The following TNRC6C variants were observed in gnomAD, a reference collection of about 807,000 sequenced individuals.
TNRC6C encodes the protein trinucleotide repeat-containing gene 6C protein.
A neutral mutation model predicts 153.7 loss-of-function variants in TNRC6C; 20 were observed. That is an observed-to-expected ratio of 0.13 (90% CI 0.09 to 0.19). The LOEUF is 0.19. TNRC6C is among the 10% of genes least tolerant of loss of function. The pLI is 1.00. For synonymous variants in TNRC6C, 811 were observed against 841.4 expected (o/e 0.96, Z 0.63); for missense variants, 1,987 against 2,172.0 (o/e 0.91, Z 1.69).
chr17:78,012,752 AG>A (rs1286438088), intron 1 of TNRC6C, among the ~76,000 whole-genome samples: 2 of 152,208 alleles, frequency 1.3e-5, no homozygotes, highest in African/African-American at 2.4e-5. Context: ...TGTTGGCAGC[AG>A]AGGAGCTGCT....
At chr17:78,020,151 C>T (rs2143535649) in intron 1 of TNRC6C, among the ~76,000 whole-genome samples, 1 of 152,282 alleles carries the variant, frequency 6.6e-6, no homozygotes, top group Admixed American at 6.5e-5. Flanking sequence ...TTCCGCATTC[C>T]TCTGTCTGTT....
Position 78,033,537 on chromosome 17 carries a change from C to T in TNRC6C, c.-219+1695C>T, listed in dbSNP as rs140195695. On this transcript the variant is annotated intron_variant, in intron 2 of 19. Transcript: ENST00000301624. The stretch of plus-strand genomic sequence containing the variant: ...ATACAAAATTAGCTGGGCATGTTGG[C>T]ACATGCCTGTAATCCCAGCTACTCG... 1.8e-3 allele frequency among the ~76,000 whole-genome samples: 270 copies of T among 152,168 alleles called. 1 individual carries two copies. The highest frequency in any genetic ancestry group is 5.9e-3 in the African/African-American group (246 of 41,536).
intron 1 of TNRC6C, among the ~76,000 whole-genome samples, chr17:77,961,382 C>T (rs904790478): frequency 6.6e-5 from 10 of 152,306 alleles, no homozygotes; most frequent in Admixed American, 2.0e-4. Context: ...TCTCGAACTC[C>T]TGACTTCAGG....
chr17:78,020,220 A>C (rs1598696550), intron 1 of TNRC6C, among the ~76,000 whole-genome samples: 1 of 152,194 alleles, frequency 6.6e-6, no homozygotes, highest in Non-Finnish European at 1.5e-5. Flanking sequence ...CCTGTAGACT[A>C]CCAGCCATAG....
intron 3 of TNRC6C, among the ~76,000 whole-genome samples, chr17:78,056,630 A>AT (rs1037205582): frequency 7.3e-5 from 11 of 151,090 alleles, no homozygotes; most frequent in South Asian, 2.1e-4. Flanking sequence ...CGCTCGGCTA[A>AT]TTTTTTTTGT....
At chr17:77,976,698 G>T (rs1003816915) in intron 1 of TNRC6C, among the ~76,000 whole-genome samples, 10 of 152,142 alleles carry the variant, frequency 6.6e-5, no homozygotes, top group African/African-American at 2.4e-4. Flanking sequence ...GGACGCCAAG[G>T]CAGGTGGATC....
chr17:78,082,812 C>A (rs2073206194), intron 10 of TNRC6C, among the ~76,000 whole-genome samples: 2 of 152,236 alleles, frequency 1.3e-5, no homozygotes, highest in African/African-American at 4.8e-5. Context: ...GGAAGCACAT[C>A]ACGCGCTGTT....
At position 78,021,433 on chromosome 17, in the gene TNRC6C, G is replaced by A. The variant is rs78797731; in HGVS notation, c.-545-10083G>A. Among the ~76,000 whole-genome samples, 87 of 152,312 alleles carry A rather than the reference G, an allele frequency of 5.7e-4. No individual in the cohort carries two copies. In the East Asian group the frequency reaches 0.011, roughly 19 times the overall value. Reference sequence around the variant, plus strand: ...GCTGTTATAAAGTAAAAGCACCTGCGTTTCTAAGAGAGTGATTTCATTTCT... The same window carrying A: ...GCTGTTATAAAGTAAAAGCACCTGCATTTCTAAGAGAGTGATTTCATTTCT... On this transcript the variant is annotated intron_variant, in intron 1 of 19. Transcript: ENST00000301624.
chr17:78,090,905 T>G (rs1055592596), intron 13 of TNRC6C, among the ~76,000 whole-genome samples: 1 of 152,242 alleles, frequency 6.6e-6, no homozygotes, highest in Admixed American at 6.5e-5. Context: ...GGTGGTACTT[T>G]AGAGTTCTGG....
At chr17:77,970,476 A>C (rs549312961) in intron 1 of TNRC6C, among the ~76,000 whole-genome samples, 1 of 152,132 alleles carries the variant, frequency 6.6e-6, no homozygotes, top group Non-Finnish European at 1.5e-5. Context: ...AGTGTGAGCA[A>C]CCTCACCTGG....
chr17:77,991,615 C>T (rs1440380054), intron 1 of TNRC6C, among the ~76,000 whole-genome samples: 2 of 152,136 alleles, frequency 1.3e-5, no homozygotes, highest in Non-Finnish European at 2.9e-5. Flanking sequence ...GGATGCTTGG[C>T]CAGCCTCTCT....
At chr17:78,103,604 A>G in intron 19 of TNRC6C, 51 bp downstream of exon 22, 2 of 1,610,410 alleles carry the variant, frequency 1.2e-6, no homozygotes, top group Non-Finnish European at 1.7e-6. Flanking sequence ...CCCATCCCCC[A>G]GAGCATTAGG....
chr17:78,002,762 C>T (rs1467578084), upstream of TNRC6C, among the ~76,000 whole-genome samples: 2 of 152,150 alleles, frequency 1.3e-5, no homozygotes, highest in Non-Finnish European at 2.9e-5. Context: ...TCAGAAAATA[C>T]TTATTAAATG....
chr17:78,058,141 G>A (rs1371564693), intron 3 of TNRC6C, among the ~76,000 whole-genome samples: 2 of 152,262 alleles, frequency 1.3e-5, no homozygotes, highest in African/African-American at 4.8e-5. Context: ...TCTCTGGTGC[G>A]AGCCAGAATT....
intron 3 of TNRC6C, among the ~76,000 whole-genome samples, chr17:78,052,578 T>C (rs1268697553): frequency 1.3e-5 from 2 of 152,048 alleles, no homozygotes; most frequent in Admixed American, 6.6e-5. Flanking sequence ...GCCACTGGAG[T>C]TGGGGAATCA....
intron 2 of TNRC6C, among the ~76,000 whole-genome samples, chr17:78,038,334 G>A (rs889583258): frequency 6.6e-5 from 10 of 152,090 alleles, no homozygotes; most frequent in Middle Eastern, 3.2e-3. Context: ...GAATGTGAAC[G>A]GGAAGATCAT....
chr17:78,053,498 G>T (rs541734153), intron 3 of TNRC6C, among the ~76,000 whole-genome samples: 2 of 151,870 alleles, frequency 1.3e-5, no homozygotes, highest in Admixed American at 6.6e-5. Flanking sequence ...GCATGGTGGC[G>T]CATGTCTCTA....
intron 1 of TNRC6C, among the ~76,000 whole-genome samples, chr17:77,980,761 A>G (rs2144103654): frequency 6.6e-6 from 1 of 152,272 alleles, no homozygotes; most frequent in South Asian, 2.1e-4. Flanking sequence ...AATTTGCTAG[A>G]GTGGCTCACA....
intron 2 of TNRC6C, among the ~76,000 whole-genome samples, chr17:78,040,681 A>G (rs2143845613): frequency 6.6e-6 from 1 of 152,386 alleles, no homozygotes; most frequent in East Asian, 1.9e-4. Context: ...CTGACTTTCA[A>G]AAACACAGAA....
Sources: allele counts gnomAD v4.1 joint callset (sites outside exome capture counted in the v4.1 genomes callset), GRCh38; gene constraint gnomAD v4.1.1; transcripts MANE v1.5; gene names NCBI Gene and HGNC (gene_info 2026-07-23, HGNC 2026-07-21).